LRIT3: variants seen among roughly 807,000 people sequenced by gnomAD.
The protein encoded by LRIT3 is leucine rich repeat, Ig-like and transmembrane domains 3, also known as leucine-rich repeat, immunoglobulin-like domain and transmembrane domain-containing protein 3.
In LRIT3, 14 loss-of-function variants were observed where a neutral mutation model predicts 22.6. The observed-to-expected ratio is 0.62, with a 90% CI of 0.41 to 0.97. LRIT3 has a LOEUF of 0.97. Ranked by LOEUF, LRIT3 falls within the 50% of genes least tolerant of loss-of-function variation. LRIT3 has a pLI of 0.00. For missense variants in LRIT3, 783 were observed against 803.0 expected, an observed-to-expected ratio of 0.98 and a Z score of 0.30; for synonymous variants, 306 against 304.5, an observed-to-expected ratio of 1.01 and a Z score of -0.05.
At position 109,870,630 on chromosome 4, in the gene LRIT3, C is replaced by A. The variant is rs2069588926; in HGVS notation, c.1881C>A (p.Ile627=). 3 of 1,613,910 alleles carry A rather than the reference C, an allele frequency of 1.9e-6. No homozygotes were observed. The highest frequency in any genetic ancestry group is 2.5e-6 in the Non-Finnish European group (3 of 1,179,986). ...WEDDLAKETY[I]QFETLFPRSQ... ...ATGATTTGGCAAAGGAGACTTATAT[C>A]CAATTTGAGACCCTGTTTCCCAGGT... The change falls in exon 4 of 4, where the codon ATC becomes ATA. Residue 627 remains isoleucine, a synonymous_variant. Transcript: ENST00000594814.
In LRIT3 at chr4:109,851,836, G is replaced by A; in HGVS notation, c.449G>A (p.Arg150Lys). The A allele has an allele frequency of 6.4e-7, 1 of 1,551,670 alleles. No homozygotes were observed. The highest frequency in any genetic ancestry group is 1.2e-5 in the South Asian group (1 of 84,054). The change falls in exon 2 of 4, where the codon AGG becomes AAG. Residue 150 changes from arginine to lysine, a missense_variant. By Grantham distance (26) the Arg-to-Lys change is conservative (BLOSUM62 2). Coordinates refer to ENST00000594814, the MANE Select transcript of LRIT3 (RefSeq NM_198506.5). ...ACCAGTGTGCCAAATGAGGCGCTCAGGTATCTGAAGAACCTTGCCTACTTG... is the reference window on the plus strand; with the variant it reads ...ACCAGTGTGCCAAATGAGGCGCTCAAGTATCTGAAGAACCTTGCCTACTTG... ...KITSVPNEAL[R>K]YLKNLAYLDL... is the part of the protein sequence containing the mutation.
In LRIT3 at chr4:109,853,272, A is replaced by G. The variant is rs532585686; in HGVS notation, c.589+1296A>G. On this transcript the variant is annotated intron_variant, in intron 2 of 3. Transcript: ENST00000594814. ...GTTTCCTGACTTTTTAATGATCGCCATTCTAACTGGCATGAGATTACATCT... is the reference window on the plus strand; with the variant it reads ...GTTTCCTGACTTTTTAATGATCGCCGTTCTAACTGGCATGAGATTACATCT... Among the ~76,000 whole-genome samples the G allele has an allele frequency of 5.3e-5, 8 of 152,304 alleles. No individual in the cohort carries two copies. The South Asian group carries it at 1.4e-3, about 28-fold the overall frequency.
rs1332963077 is a variant in LRIT3 at position 109,870,575 on chromosome 4, T to G, written c.1826T>G (p.Leu609Arg). The G allele has an allele frequency of 6.2e-7, 1 of 1,614,026 alleles. No individual in the cohort carries two copies. Among genetic ancestry groups the G allele is most frequent in the Non-Finnish European group, 8.5e-7 (1 of 1,179,888 alleles). Residue 609 changes from leucine (L) to arginine (R), a missense_variant, in exon 4 of 4, where the codon CTG (leucine) becomes CGG (arginine). Leu to Arg is a moderately radical substitution (Grantham distance 102). Around this residue, in one of 2 missense-constraint regions of LRIT3, gnomAD observed 756 missense variants for 753.8 expected, o/e 1.00. Coordinates refer to ENST00000594814, the MANE Select transcript of LRIT3 (RefSeq NM_198506.5). ...ICFLLYKVCK[L>R]QCKSEPFWED... ...TTCTTGTTGTACAAAGTTTGCAAAC[T>G]GCAATGTAAATCAGAACCTTTTTGG... is the stretch of plus-strand genomic sequence containing the variant.
Position 109,851,673 on chromosome 4 carries a change from A to G in LRIT3, c.286A>G (p.Ile96Val), listed in dbSNP as rs1038508835. Residue 96 changes from isoleucine to valine, a missense_variant, in exon 2 of 4, where the codon ATT (isoleucine) becomes GTT (valine). Ile to Val is a conservative substitution (Grantham distance 29, BLOSUM62 3). Around this residue, in one of 2 missense-constraint regions of LRIT3, gnomAD observed 756 missense variants for 753.8 expected, o/e 1.00. Transcript: ENST00000594814. The part of the protein sequence containing the change: ...LWVTYNSVAS[I>V]DPSSFYNLKQ... ...GGTGACTTACAATTCCGTGGCCAGCATTGACCCCAGCAGCTTTTACAACCT... is the reference window on the plus strand; with the variant it reads ...GGTGACTTACAATTCCGTGGCCAGCGTTGACCCCAGCAGCTTTTACAACCT... 5 of 1,551,602 alleles carry G rather than the reference A, an allele frequency of 3.2e-6. No individual in the cohort carries two copies. Among genetic ancestry groups the G allele is most frequent in the Non-Finnish European group, 3.5e-6 (4 of 1,147,004 alleles).
At position 109,867,933 on chromosome 4, in the gene LRIT3, A is replaced by G. The variant is rs1169177744; in HGVS notation, c.882A>G (p.Pro294=). Reference sequence around the variant, plus strand: ...CATGGACCAGATCTGACAGCTCGCCAGTTAATTATACAGGTATTTTCTTAA... The same window carrying G: ...CATGGACCAGATCTGACAGCTCGCCGGTTAATTATACAGGTATTTTCTTAA... ...QITWTRSDSS[P]VNYTVIQESP... is the part of the protein sequence containing the mutation. Residue 294 remains proline (P), a synonymous_variant, in exon 3 of 4, where the codon CCA becomes CCG. Transcript: ENST00000594814. The G allele has an allele frequency of 6.2e-7, 1 of 1,609,834 alleles. No homozygotes were observed. The highest frequency in any genetic ancestry group is 8.5e-7 in the Non-Finnish European group (1 of 1,177,480).
At chr4:109,857,994 G>T (rs1734443879) in intron 2 of LRIT3, among the ~76,000 whole-genome samples, 1 of 152,146 alleles carries the variant, frequency 6.6e-6, no homozygotes, top group Admixed American at 6.5e-5. Context: ...TGACCTCCAA[G>T]GTTTGAATAT....
At position 109,871,843 on chromosome 4, in the gene LRIT3, A is replaced by G. The variant is rs776069110; in HGVS notation, c.*1054A>G. On this transcript the variant is annotated 3_prime_UTR_variant, in exon 4 of 4. Coordinates refer to ENST00000594814, the MANE Select transcript of LRIT3 (RefSeq NM_198506.5). Reference sequence around the variant, plus strand: ...TAAAAACATCGGGGAACTTAAATACATAGGAAAGGAGTTCACAAATAAAAT... The same window carrying G: ...TAAAAACATCGGGGAACTTAAATACGTAGGAAAGGAGTTCACAAATAAAAT... 6.6e-6 allele frequency: 1 copy of G among 152,220 alleles called. No individual in the cohort carries two copies. Among genetic ancestry groups the G allele is most frequent in the Non-Finnish European group, 1.5e-5 (1 of 68,040 alleles). 9.4% of individuals were successfully genotyped at this position (152,220 alleles called of 1,614,324 possible).
chr4:109,855,074 T>G (rs755854392), intron 2 of LRIT3, among the ~76,000 whole-genome samples: 4 of 152,194 alleles, frequency 2.6e-5, no homozygotes, highest in Admixed American at 6.6e-5. Context: ...AGCAGGATGA[T>G]GCTGGCCTCA....
chr4:109,867,909 A>G lies in LRIT3; in HGVS notation c.858A>G (p.Thr286=). ...CTGGCTTCCCCACCCCACAGATCAC[A>G]TGGACCAGATCTGACAGCTCGCCAG... The part of the protein sequence containing the change: ...DATGFPTPQI[T]WTRSDSSPVN... The change falls in exon 3 of 4, where the codon ACA becomes ACG. Residue 286 remains threonine (T), a synonymous_variant. Coordinates refer to ENST00000594814, the MANE Select transcript of LRIT3 (RefSeq NM_198506.5). 2 of 1,613,544 alleles carry G rather than the reference A, an allele frequency of 1.2e-6. No homozygotes were observed. The highest frequency in any genetic ancestry group is 1.8e-4 in the Middle Eastern group (1 of 5,596).
In LRIT3 at chr4:109,865,085, C is replaced by T; in HGVS notation, c.590-2556C>T. On this transcript the variant is annotated intron_variant, in intron 2 of 3. Coordinates refer to ENST00000594814, the MANE Select transcript of LRIT3 (RefSeq NM_198506.5). ...TAGTTTGTTGTTCCATCTTTGGTTT[C>T]TTTTAGTCTATGATCATTATTTTTA... 6.4e-6 allele frequency: 9 copies of T among 1,400,112 alleles called. No homozygotes were observed. In the East Asian group the frequency reaches 8.0e-5, roughly 12 times the overall value. The allele number at this position is 1,400,112 out of a possible 1,614,324, so 86.7% of individuals were successfully genotyped here.
At position 109,869,755 on chromosome 4, in the gene LRIT3, A is replaced by T. The variant is rs764205; in HGVS notation, c.1006A>T (p.Met336Leu). Residue 336 changes from methionine to leucine, a missense_variant, in exon 4 of 4, where the codon ATG becomes TTG. Transcript: ENST00000594814. ...ATGTAAGGCCAAAAATCTGGCTGGG[A>T]TGTCAGAAGCTGTGGTTACTGTGAC... is the stretch of plus-strand genomic sequence containing the variant. The part of the protein sequence containing the change: ...YKCKAKNLAG[M>L]SEAVVTVTVL... The T allele has an allele frequency of 0.61, 983,541 of 1,612,796 alleles. 305,886 individuals are homozygous for T. The highest frequency in any genetic ancestry group is 0.65 in the Non-Finnish European group (763,417 of 1,179,216).
intron 2 of LRIT3, chr4:109,864,980 C>A (rs1734640985): frequency 2.2e-5 from 22 of 990,626 alleles, no homozygotes; most frequent in Non-Finnish European, 2.7e-5. Flanking sequence ...GCACCTCAAT[C>A]AATAGAGATA....
Position 109,870,829 on chromosome 4 carries a change from A to T in LRIT3, c.*40A>T, listed in dbSNP as rs1734817906. The T allele has an allele frequency of 6.5e-7, 1 of 1,528,710 alleles. No homozygotes were observed. The allele number at this position is 1,528,710 out of a possible 1,614,324, so 94.7% of individuals were successfully genotyped here. ...GGTGCATGTGAGCTACAAAACTAGCATCTAAGGGTATAATTGACCCTAGGT... is the reference window on the plus strand; with the variant it reads ...GGTGCATGTGAGCTACAAAACTAGCTTCTAAGGGTATAATTGACCCTAGGT... On this transcript the variant is annotated 3_prime_UTR_variant, in exon 4 of 4. Transcript: ENST00000594814.
intron 1 of LRIT3, among the ~76,000 whole-genome samples, chr4:109,848,952 T>C (rs1734142097): frequency 6.6e-6 from 1 of 152,238 alleles, no homozygotes; most frequent in African/African-American, 2.4e-5. Context: ...TATTTACTTA[T>C]ATTGTGCATG....
chr4:109,854,756 G>A (rs141891497), intron 2 of LRIT3, among the ~76,000 whole-genome samples: 2,487 of 152,240 alleles, frequency 0.016, 77 homozygotes, highest in African/African-American at 0.055. Flanking sequence ...TCAATACCTA[G>A]TTTATTGAGA....
At chr4:109,850,402 C>CTTT (rs1560588814) in intron 1 of LRIT3, among the ~76,000 whole-genome samples, 2 of 766 alleles carry the variant, frequency 2.6e-3, no homozygotes, top group East Asian at 0.17. Context: ...TTCCTTCCTT[C>CTTT]CTTCCTTCCT....
chr4:109,855,182 G>T (rs1009520244), intron 2 of LRIT3, among the ~76,000 whole-genome samples: 3 of 152,066 alleles, frequency 2.0e-5, no homozygotes, highest in African/African-American at 7.2e-5. Context: ...GCTGTTTTTG[G>T]TTGGTAGGCT....
intron 2 of LRIT3, among the ~76,000 whole-genome samples, chr4:109,853,347 T>G (rs188935459): frequency 1.3e-5 from 2 of 152,356 alleles, no homozygotes; most frequent in African/African-American, 4.8e-5. Context: ...TGATGAGCTT[T>G]TTTTTCATAT....
At chr4:109,855,455 G>A (rs1310414439) in intron 2 of LRIT3, among the ~76,000 whole-genome samples, 14 of 151,840 alleles carry the variant, frequency 9.2e-5, no homozygotes, top group African/African-American at 2.7e-4. Flanking sequence ...TCTTGCTAGC[G>A]GTCTATCAAT....
Sources: allele counts gnomAD v4.1 joint callset (sites outside exome capture counted in the v4.1 genomes callset), GRCh38; gene constraint gnomAD v4.1.1; regional missense constraint gnomAD v4.1.1; transcripts MANE v1.5; gene names NCBI Gene and HGNC (gene_info 2026-07-23, HGNC 2026-07-21).